Variants in DMD observed in about 807,000 individuals in gnomAD.
The protein encoded by DMD is dystrophin.
DMD carries 63 observed loss-of-function variants against 330.1 expected under a neutral mutation model. The observed-to-expected ratio is 0.19, with a 90% confidence interval of 0.16 to 0.24. The LOEUF is 0.24. Ranked by LOEUF, DMD falls within the 10% of genes least tolerant of loss-of-function variation. DMD has a pLI of 1.00. For synonymous variants in DMD, 1,223 were observed against 959.8 expected, an observed-to-expected ratio of 1.27 and a Z score of -5.07; for missense variants, 3,344 against 2,684.1, an observed-to-expected ratio of 1.25 and a Z score of -5.43.
At chrX:31,732,489 G>C (rs755703106) in intron 51 of DMD, among the ~76,000 whole-genome samples, 8 of 111,550 alleles carry the variant, frequency 7.2e-5, no homozygotes, top group African/African-American at 9.7e-5. Flanking sequence ...CATATGGTGA[G>C]AGTAACGATT....
Position 32,109,492 on chromosome X carries a change from A to T in DMD, c.6438+107424T>A, listed in dbSNP as rs747947414. 3.6e-5 allele frequency among the ~76,000 whole-genome samples: 4 copies of T among 111,070 alleles called. No homozygotes were observed. The South Asian group carries it at 1.5e-3, about 41-fold the overall frequency. ...GTGAAAAAGAAATTAGAGCCAGGTA[A>T]TATCTGGTATAAAAATAGGTAATAT... On this transcript the variant is annotated intron_variant, in intron 44 of 78. Transcript: ENST00000357033.
intron 44 of DMD, among the ~76,000 whole-genome samples, chrX:31,979,585 T>A (rs1284815443): frequency 9.3e-6 from 1 of 107,943 alleles, no homozygotes; most frequent in Admixed American, 1.0e-4. Context: ...CATGATTAAA[T>A]TCTATTTCTG....
intron 44 of DMD, among the ~76,000 whole-genome samples, chrX:32,178,631 A>G (rs1409919251): frequency 9.0e-6 from 1 of 110,563 alleles, no homozygotes; most frequent in Non-Finnish European, 1.9e-5. Context: ...AACTACCCTG[A>G]CCCTGGTAAC....
chrX:32,343,121 A>G lies in DMD; in HGVS notation c.5739+13T>C. On this transcript the variant is annotated intron_variant, in intron 40 of 78. Coordinates refer to ENST00000357033, the MANE Select transcript of DMD (RefSeq NM_004006.3). ...TAATAAAATCTGGTATTGACATTCT[A>G]AAACAACATTACCTTTATTTTCCTT... 8.3e-7 allele frequency: 1 copy of G among 1,207,297 alleles called. No homozygotes were observed. Among genetic ancestry groups the G allele is most frequent in the Non-Finnish European group, 1.1e-6 (1 of 891,719 alleles).
chrX:32,680,547 T>G, intron 9 of DMD, among the ~76,000 whole-genome samples: 1 of 111,876 alleles, frequency 8.9e-6, no homozygotes, highest in Non-Finnish European at 1.9e-5. Flanking sequence ...TTCTTATGCT[T>G]TAATTTATTG....
intron 16 of DMD, among the ~76,000 whole-genome samples, chrX:32,556,113 A>G (rs2149033036): frequency 8.9e-6 from 1 of 112,321 alleles, no homozygotes; most frequent in African/African-American, 3.2e-5. Flanking sequence ...AAACAAATTT[A>G]CAAGAAAAAA....
Position 32,728,542 on chromosome X carries a change from T to C in DMD, c.650-29249A>G, listed in dbSNP as rs376891588. On this transcript the variant is annotated intron_variant, in intron 7 of 78. Coordinates refer to ENST00000357033, the MANE Select transcript of DMD (RefSeq NM_004006.3). ...TGCTTTATTTGAGCTTAGAGAGGAG[T>C]AGACCACATAAATGTCATGTTAATA... Among the ~76,000 whole-genome samples, 3 of 111,333 alleles carry C rather than the reference T, an allele frequency of 2.7e-5. No individual in the cohort carries two copies. The East Asian group carries it at 8.5e-4, about 32-fold the overall frequency.
At chrX:32,757,641 T>C (rs1054597424) in intron 7 of DMD, among the ~76,000 whole-genome samples, 1 of 111,321 alleles carries the variant, frequency 9.0e-6, no homozygotes. Flanking sequence ...CTTTCTCTTC[T>C]TGCCTGTCTC....
intron 52 of DMD, among the ~76,000 whole-genome samples, chrX:31,721,801 A>G (rs2085584491): frequency 9.8e-6 from 1 of 101,795 alleles, no homozygotes; most frequent in Non-Finnish European, 2.0e-5. Context: ...AGCATTCTAA[A>G]CTCTAATGAT....
At chrX:31,384,829 T>A (rs1179159443) in intron 60 of DMD, among the ~76,000 whole-genome samples, 2 of 112,016 alleles carry the variant, frequency 1.8e-5, no homozygotes, top group Admixed American at 1.9e-4. Flanking sequence ...CTCTACCCAA[T>A]GATTATGGGC....
chrX:31,578,196 C>T (rs1028564263), intron 55 of DMD, among the ~76,000 whole-genome samples: 1 of 111,453 alleles, frequency 9.0e-6, no homozygotes, highest in Admixed American at 9.5e-5. Flanking sequence ...GATTTATAGG[C>T]TATATGGGGT....
chrX:31,170,609 CCTT>C (rs1247747264), intron 73 of DMD, among the ~76,000 whole-genome samples: 1 of 111,499 alleles, frequency 9.0e-6, no homozygotes, highest in Non-Finnish European at 1.9e-5. Flanking sequence ...AGGAAAAAGT[CCTT>C]CTCATTTGAA....
At chrX:32,934,997 G>C (rs1223404186) in intron 2 of DMD, among the ~76,000 whole-genome samples, 2 of 113,039 alleles carry the variant, frequency 1.8e-5, no homozygotes, top group African/African-American at 6.4e-5. Flanking sequence ...TGGGCTCCCC[G>C]GCTCTGGAGT....
At chrX:31,289,269 A>T (rs2053488358) in intron 62 of DMD, among the ~76,000 whole-genome samples, 1 of 86,162 alleles carries the variant, frequency 1.2e-5, no homozygotes, top group Non-Finnish European at 2.2e-5. Flanking sequence ...AAAAAAATAA[A>T]AAATAAAATA....
intron 52 of DMD, among the ~76,000 whole-genome samples, chrX:31,722,817 G>A (rs938013727): frequency 4.5e-5 from 5 of 110,192 alleles, no homozygotes; most frequent in African/African-American, 1.3e-4. Flanking sequence ...AGGCCGAGGC[G>A]GGTGGATCAC....
intron 44 of DMD, among the ~76,000 whole-genome samples, chrX:32,034,945 G>A (rs2095929724): frequency 9.0e-6 from 1 of 111,548 alleles, no homozygotes; most frequent in Non-Finnish European, 1.9e-5. Flanking sequence ...GTGATTTCTT[G>A]CTTTGTAGGT....
At chrX:32,628,756 T>G (rs759377736) in intron 11 of DMD, among the ~76,000 whole-genome samples, 1 of 111,718 alleles carries the variant, frequency 9.0e-6, no homozygotes, top group African/African-American at 3.2e-5. Flanking sequence ...ATAGTTTCCT[T>G]CTTAACTTCT....
At chrX:32,314,380 T>C (rs1044639520) in intron 41 of DMD, among the ~76,000 whole-genome samples, 2 of 111,191 alleles carry the variant, frequency 1.8e-5, no homozygotes, top group African/African-American at 6.5e-5. Flanking sequence ...TTCTTACACC[T>C]TATACAAAAA....
At chrX:32,156,585 C>A (rs947813941) in intron 44 of DMD, among the ~76,000 whole-genome samples, 1 of 108,007 alleles carries the variant, frequency 9.3e-6, no homozygotes, top group Admixed American at 1.0e-4. Flanking sequence ...TTATCATCAG[C>A]TGTACAGGTG....
Sources: allele counts gnomAD v4.1 joint callset (sites outside exome capture counted in the v4.1 genomes callset), GRCh38; gene constraint gnomAD v4.1.1; transcripts MANE v1.5; gene names NCBI Gene and HGNC (gene_info 2026-07-23, HGNC 2026-07-21).